Variants in CERCAM observed in about 807,000 individuals in gnomAD.
CERCAM encodes cerebral endothelial cell adhesion molecule.
A neutral mutation model predicts 66.0 loss-of-function variants in CERCAM; 59 were observed. The observed-to-expected ratio is 0.89, with a 90% confidence interval of 0.73 to 1.11. The LOEUF (loss-of-function observed/expected upper bound fraction) is 1.11. Among genes scored for constraint, CERCAM ranks in the 50% most tolerant of loss-of-function variants. The probability of loss-of-function intolerance (pLI) is 0.00; values close to 1 mark genes in which losing one functional copy is unlikely to be tolerated. For synonymous variants in CERCAM, 318 were observed against 343.6 expected (o/e 0.93, Z 0.83); for missense variants, 840 against 828.3 (o/e 1.01, Z -0.17).
At chr9:128,424,357 G>A in intron 4 of CERCAM, 53 bp from the exon 5 acceptor site, 2 of 1,612,496 alleles carry the variant, frequency 1.2e-6, no homozygotes, top group Non-Finnish European at 1.7e-6. Context: ...CTTGGGGTCT[G>A]TGGGCAGGGG....
At chr9:128,436,565 A>C (rs1346377705) in intron 12 of CERCAM, among the ~76,000 whole-genome samples, 1 of 151,832 alleles carries the variant, frequency 6.6e-6, no homozygotes, top group Non-Finnish European at 1.5e-5. Context: ...TTTTTAGTAG[A>C]GACAGGGTGT....
chr9:128,435,432 C>T (rs1452533101), intron 11 of CERCAM, among the ~76,000 whole-genome samples: 1 of 152,198 alleles, frequency 6.6e-6, no homozygotes, highest in Non-Finnish European at 1.5e-5. Flanking sequence ...CTGCGCTCGG[C>T]TGCATGCAGT....
rs1327757862 is a variant in CERCAM at position 128,424,524 on chromosome 9, G to A, written c.676G>A (p.Ala226Thr). Reference protein sequence around the residue: ...TFLASLRAEGADQLAFYPPHP... With the variant: ...TFLASLRAEGTDQLAFYPPHP... The stretch of plus-strand genomic sequence containing the variant: ...CCTTGCATCCCTGCGGGCTGAAGGG[G>A]CAGACCAGCTTGCTTTCTACCCGCC... The change falls in exon 5 of 13, where the codon GCA (alanine) becomes ACA (threonine). Residue 226 changes from alanine (A) to threonine (T), a missense_variant. Physicochemically the swap from Ala to Thr is moderately conservative, Grantham distance 58. Transcript: ENST00000372838. The A allele has an allele frequency of 6.2e-7, 1 of 1,614,022 alleles. No homozygotes were observed. Among genetic ancestry groups the A allele is most frequent in the Admixed American group, 1.7e-5 (1 of 59,992 alleles).
rs771648477 is a variant in CERCAM at position 128,428,333 on chromosome 9, T to TTA, written c.800_801dup (p.Gly268MetfsTer4). On this transcript the variant is annotated frameshift_variant, in exon 6 of 13. Coordinates refer to ENST00000372838, the MANE Select transcript of CERCAM (RefSeq NM_016174.5). LOFTEE classifies it high-confidence loss of function. ...CCGTCCACGTGTGCAATGAGCACCG[T>TTA]TATGGGTACATGAATGTGCCGGTGA... 1 of 1,614,044 alleles carries TTA rather than the reference T, an allele frequency of 6.2e-7. No homozygotes were observed. The highest frequency in any genetic ancestry group is 1.1e-5 in the South Asian group (1 of 91,072).
rs778618421 is a variant in CERCAM at position 128,429,002 on chromosome 9, A to G, written c.1036A>G (p.Ile346Val). ...GCTCGCCTCGCTCTGGGAGATGGAG[A>G]TCTCTGGGAGGGTGGTGGACGCTGT... is the stretch of plus-strand genomic sequence containing the variant. Reference protein sequence around the residue: ...RMLASLWEMEISGRVVDAVDG... With the variant: ...RMLASLWEMEVSGRVVDAVDG... Residue 346 changes from isoleucine (I) to valine (V), a missense_variant, in exon 8 of 13, where the codon ATC becomes GTC. Coordinates refer to ENST00000372838, the MANE Select transcript of CERCAM (RefSeq NM_016174.5). 1.3e-5 allele frequency: 21 copies of G among 1,610,530 alleles called. No homozygotes were observed. The highest frequency in any genetic ancestry group is 3.3e-5 in the Admixed American group (2 of 59,708).
intron 9 of CERCAM, among the ~76,000 whole-genome samples, chr9:128,432,242 T>C (rs1174003764): frequency 6.6e-6 from 1 of 152,090 alleles, no homozygotes; most frequent in East Asian, 1.9e-4. Flanking sequence ...GTCAGGCTGG[T>C]CTCGAACTTC....
intron 9 of CERCAM, 141 bp downstream of exon 9, chr9:128,431,444 A>T: frequency 9.3e-7 from 1 of 1,075,360 alleles, no homozygotes; most frequent in East Asian, 2.6e-5. Flanking sequence ...TCTGTGTTCA[A>T]CACCCCAGTG....
intron 12 of CERCAM, among the ~76,000 whole-genome samples, chr9:128,436,494 C>T (rs1260267402): frequency 6.6e-6 from 1 of 152,248 alleles, no homozygotes; most frequent in South Asian, 2.1e-4. Context: ...GTGATCTGCC[C>T]GCCTCAGCTT....
At position 128,432,255 on chromosome 9, in the gene CERCAM, A is replaced by G. The variant is rs1297548132; in HGVS notation, c.1203+952A>G. 6.6e-5 allele frequency among the ~76,000 whole-genome samples: 10 copies of G among 151,962 alleles called. No individual in the cohort carries two copies. In the East Asian group the frequency reaches 1.9e-3, roughly 29 times the overall value. ...TGGTCAGGCTGGTCTCGAACTTCCA[A>G]CCTCAGGTGATCTGCCCACCTCGGC... On this transcript the variant is annotated intron_variant, in intron 9 of 12. Coordinates refer to ENST00000372838, the MANE Select transcript of CERCAM (RefSeq NM_016174.5).
chr9:128,429,974 G>GTT (rs141930981), intron 8 of CERCAM, among the ~76,000 whole-genome samples: 5 of 149,796 alleles, frequency 3.3e-5, no homozygotes, highest in African/African-American at 9.8e-5. Flanking sequence ...GTTTTGTTTT[G>GTT]TTTTTTTTTC....
chr9:128,428,800 C>T lies in CERCAM; in HGVS notation c.930C>T (p.Pro310=), dbSNP rs1281957172. The T allele has an allele frequency of 1.2e-6, 2 of 1,614,042 alleles. No individual in the cohort carries two copies. Among genetic ancestry groups the T allele is most frequent in the Non-Finnish European group, 1.7e-6 (2 of 1,180,004 alleles). Residue 310 remains proline, a synonymous_variant, in exon 7 of 13, where the codon CCC becomes CCT. Coordinates refer to ENST00000372838, the MANE Select transcript of CERCAM (RefSeq NM_016174.5). The part of the protein sequence containing the change: ...RMQASAHVTR[P]SKRPSKIGFD... ...AGGCCTCAGCTCATGTGACTCGGCC[C>T]TCTAAGAGGCCCAGCAAGATAGGGT...
In CERCAM at chr9:128,435,055, G is replaced by A. The variant is rs373442266; in HGVS notation, c.1535+442G>A. Among the ~76,000 whole-genome samples the A allele has an allele frequency of 7.5e-4, 113 of 150,348 alleles. 2 individuals carry two copies. Among genetic ancestry groups the A allele is most frequent in the African/African-American group, 2.6e-3 (104 of 40,724 alleles). Reference sequence around the variant, plus strand: ...CTGTCACCCAGTGCGGTGCAGTGGCGCAATCTTGGCTCACTGCAACCTCCG... The same window carrying A: ...CTGTCACCCAGTGCGGTGCAGTGGCACAATCTTGGCTCACTGCAACCTCCG... On this transcript the variant is annotated intron_variant, in intron 11 of 12. Transcript: ENST00000372838.
At position 128,428,362 on chromosome 9, in the gene CERCAM, C is replaced by A; in HGVS notation, c.827C>A (p.Ser276Tyr). 3.1e-6 allele frequency: 5 copies of A among 1,614,138 alleles called. No homozygotes were observed. Among genetic ancestry groups the A allele is most frequent in the Non-Finnish European group, 4.2e-6 (5 of 1,180,020 alleles). ...RYGYMNVPVK[S>Y]HQGLEDERVN... The stretch of plus-strand genomic sequence containing the variant: ...GGGTACATGAATGTGCCGGTGAAAT[C>A]CCACCAGGGGCTGGAAGACGAGAGG... Residue 276 changes from serine (S) to tyrosine (Y), a missense_variant, in exon 6 of 13, where the codon TCC becomes TAC. Transcript: ENST00000372838.
At position 128,420,964 on chromosome 9, in the gene CERCAM, G is replaced by A. The variant is rs762998402; in HGVS notation, c.87G>A (p.Pro29=). ...WLEAAGVAES[P]LPAVVLAILA... is the part of the protein sequence containing the mutation. Reference sequence around the variant, plus strand: ...AGGCTGCGGGCGTTGCGGAGTCGCCGCTGCCCGCCGTGGTCCTTGCCATCC... The same window carrying A: ...AGGCTGCGGGCGTTGCGGAGTCGCCACTGCCCGCCGTGGTCCTTGCCATCC... Residue 29 remains proline (P), a synonymous_variant, in exon 1 of 13, where the codon CCG becomes CCA. Transcript: ENST00000372838. The surrounding 1 kb of genome is among the most constrained non-coding windows in gnomAD (Gnocchi z 5.0). The A allele has an allele frequency of 7.4e-5, 108 of 1,464,624 alleles. No individual in the cohort carries two copies. Among genetic ancestry groups the A allele is most frequent in the Non-Finnish European group, 9.2e-5 (102 of 1,110,504 alleles). The allele number at this position is 1,464,624 out of a possible 1,614,324, so 90.7% of individuals were successfully genotyped here. A position where few individuals can be genotyped will look rare whatever the true frequency, so the allele number is the denominator to read the frequency against.
chr9:128,430,223 G>A (rs1833943889), intron 8 of CERCAM, among the ~76,000 whole-genome samples: 2 of 152,054 alleles, frequency 1.3e-5, no homozygotes. Context: ...CCAACATGGT[G>A]AAACCCCCTC....
upstream of CERCAM, chr9:128,419,905 C>G (rs1017725952): frequency 2.0e-5 from 3 of 151,464 alleles, no homozygotes; most frequent in African/African-American, 7.3e-5. Flanking sequence ...GAGTCTCGGT[C>G]TGTCATCCAG....
At chr9:128,430,185 G>C (rs890832455) in intron 8 of CERCAM, among the ~76,000 whole-genome samples, 2 of 152,114 alleles carry the variant, frequency 1.3e-5, no homozygotes, top group Non-Finnish European at 2.9e-5. Context: ...ATCACCTGAG[G>C]TCAGGAGTTC....
intron 9 of CERCAM, among the ~76,000 whole-genome samples, chr9:128,432,823 C>T (rs2131341514): frequency 6.6e-6 from 1 of 151,474 alleles, no homozygotes; most frequent in South Asian, 2.1e-4. Flanking sequence ...GTCTTCCCAC[C>T]CCCCACCCAG....
intron 9 of CERCAM, among the ~76,000 whole-genome samples, chr9:128,433,331 A>T (rs1363987625): frequency 6.6e-6 from 1 of 151,154 alleles, no homozygotes; most frequent in Admixed American, 6.6e-5. Context: ...GGCACCTGTA[A>T]TCCCAGCTAC....
Sources: allele counts gnomAD v4.1 joint callset (sites outside exome capture counted in the v4.1 genomes callset), GRCh38; gene constraint gnomAD v4.1.1; non-coding constraint Gnocchi (gnomAD v3.1); transcripts MANE v1.5; gene names NCBI Gene and HGNC (gene_info 2026-07-23, HGNC 2026-07-21).